IL6R: variants seen among roughly 807,000 people sequenced by gnomAD.
IL6R encodes interleukin 6 receptor, also known as interleukin-6 receptor subunit alpha.
In IL6R, 38 loss-of-function variants were observed where a neutral mutation model predicts 48.3. The observed-to-expected ratio is 0.79, with a 90% confidence interval of 0.61 to 1.03. IL6R has a LOEUF of 1.03. Among genes scored for constraint, IL6R ranks in the 50% least tolerant of loss-of-function variants. The pLI is 0.00. For missense variants in IL6R, 534 were observed against 618.3 expected, an observed-to-expected ratio of 0.86 and a Z score of 1.45; for synonymous variants, 264 against 256.2, an observed-to-expected ratio of 1.03 and a Z score of -0.29.
chr1:154,412,195 C>A (rs1688065285), intron 1 of IL6R, among the ~76,000 whole-genome samples: 1 of 151,886 alleles, frequency 6.6e-6, no homozygotes, highest in Middle Eastern at 3.4e-3. Flanking sequence ...GATCTGCCCA[C>A]CTCGTCCTCT....
chr1:154,436,784 G>A lies in IL6R; in HGVS notation c.949+674G>A, dbSNP rs140696480. Among the ~76,000 whole-genome samples, 535 of 152,274 alleles carry A rather than the reference G, an allele frequency of 3.5e-3. 14 individuals are homozygous for A. Among genetic ancestry groups the A allele is most frequent in the Admixed American group, 0.031 (475 of 15,290 alleles). ...GAGAAGTTAGCCGTATTTAATCTAG[G>A]GCTTTTTATTTTTTTCAAATGTTAA... On this transcript the variant is annotated intron_variant, in intron 6 of 9. Transcript: ENST00000368485.
chr1:154,465,290 T>C lies in IL6R; in HGVS notation c.1317T>C (p.Ser439=). ...CGGTGTCCCCCAGCAGCCTGGGGTC[T>C]GACAATACCTCGAGCCACAACCGAC... The part of the protein sequence containing the change: ...SPPVSPSSLG[S]DNTSSHNRPD... Residue 439 remains serine (S), a synonymous_variant, in exon 10 of 10, where the codon TCT becomes TCC. Transcript: ENST00000368485. 6.2e-7 allele frequency: 1 copy of C among 1,614,134 alleles called. No individual in the cohort carries two copies. Among genetic ancestry groups the C allele is most frequent in the Middle Eastern group, 1.7e-4 (1 of 6,060 alleles).
intron 9 of IL6R, among the ~76,000 whole-genome samples, chr1:154,464,257 C>T (rs371989045): frequency 3.3e-5 from 5 of 151,698 alleles, no homozygotes; most frequent in East Asian, 1.9e-4. Context: ...CGTGTTCAAG[C>T]GATTCTCCTG....
At chr1:154,424,038 A>C (rs1688838951) in intron 1 of IL6R, among the ~76,000 whole-genome samples, 1 of 152,198 alleles carries the variant, frequency 6.6e-6, no homozygotes, top group South Asian at 2.1e-4. Context: ...CAAAGGCAGA[A>C]GCAGAAAAGA....
chr1:154,435,274 C>A, intron 5 of IL6R, 118 bp downstream of exon 5: 1 of 885,992 alleles, frequency 1.1e-6, no homozygotes, highest in Non-Finnish European at 1.7e-6. Flanking sequence ...CTTTGGGAGG[C>A]CAAGGTGGGC....
At chr1:154,444,663 T>C (rs1250428906) in intron 6 of IL6R, among the ~76,000 whole-genome samples, 1 of 152,070 alleles carries the variant, frequency 6.6e-6, no homozygotes, top group South Asian at 2.1e-4. Context: ...TTTACGAGGC[T>C]GATGGGGGAG....
chr1:154,454,334 G>T lies in IL6R; in HGVS notation c.1067-154G>T, dbSNP rs1287723405. 49 of 613,972 alleles carry T rather than the reference G, an allele frequency of 8.0e-5. 1 individual carries two copies. The highest frequency in any genetic ancestry group is 4.2e-4 in the Middle Eastern group (1 of 2,356). 38.0% of individuals were successfully genotyped at this position (613,972 alleles called of 1,614,324 possible). On this transcript the variant is annotated intron_variant, in intron 8 of 9. Transcript: ENST00000368485. ...AAGCTTGTCAAATGGCCTGTTGGTTGGCAGAGCTGTTTCATTTTCTGGGAG... is the reference window on the plus strand; with the variant it reads ...AAGCTTGTCAAATGGCCTGTTGGTTTGCAGAGCTGTTTCATTTTCTGGGAG...
At position 154,467,232 on chromosome 1, in the gene IL6R, G is replaced by A. The variant is rs1223524023; in HGVS notation, c.*1852G>A. The A allele has an allele frequency of 6.6e-6, 1 of 152,214 alleles. No homozygotes were observed. Among genetic ancestry groups the A allele is most frequent in the Admixed American group, 6.5e-5 (1 of 15,284 alleles). The allele number at this position is 152,214 out of a possible 1,614,324, so 9.4% of individuals were successfully genotyped here. ...TGCAAGAATTGAAGCAGGACTAAAT[G>A]TCTAGTTGTAACACCATGATTAACC... On this transcript the variant is annotated 3_prime_UTR_variant, in exon 10 of 10. Transcript: ENST00000368485.
At chr1:154,427,388 A>G (rs557058621) in intron 1 of IL6R, among the ~76,000 whole-genome samples, 2 of 152,292 alleles carry the variant, frequency 1.3e-5, no homozygotes, top group East Asian at 3.9e-4. Context: ...GGACTTGCCC[A>G]CCGTGGGAGA....
chr1:154,426,520 C>CAA (rs5777913), intron 1 of IL6R, among the ~76,000 whole-genome samples: 1 of 121,716 alleles, frequency 8.2e-6, no homozygotes. Flanking sequence ...GATTCTGTCT[C>CAA]AAAAAAAAAA....
intron 9 of IL6R, among the ~76,000 whole-genome samples, chr1:154,463,793 C>A (rs1571019500): frequency 1.3e-5 from 2 of 152,354 alleles, no homozygotes; most frequent in Non-Finnish European, 2.9e-5. Context: ...TGAGCCCTGG[C>A]TTTGGGCCCA....
At chr1:154,439,181 C>G (rs1431275993) in intron 6 of IL6R, among the ~76,000 whole-genome samples, 2 of 152,060 alleles carry the variant, frequency 1.3e-5, no homozygotes, top group Non-Finnish European at 2.9e-5. Flanking sequence ...ACCTTTTATT[C>G]CAACCACTTA....
intron 9 of IL6R, among the ~76,000 whole-genome samples, chr1:154,455,072 C>T (rs1690797102): frequency 6.6e-6 from 1 of 152,174 alleles, no homozygotes; most frequent in African/African-American, 2.4e-5. Flanking sequence ...CACCACCCTG[C>T]CTAGCTAATT....
chr1:154,450,037 G>A (rs1368340951), intron 8 of IL6R, 57 bp downstream of exon 8: 3 of 1,097,106 alleles, frequency 2.7e-6, no homozygotes, highest in Non-Finnish European at 4.2e-6. Flanking sequence ...ATTTGTCTCT[G>A]CAGAAAGTCC....
At chr1:154,427,370 C>T (rs904033840) in intron 1 of IL6R, among the ~76,000 whole-genome samples, 1 of 152,118 alleles carries the variant, frequency 6.6e-6, no homozygotes, top group Non-Finnish European at 1.5e-5. Flanking sequence ...AAATGTTTAT[C>T]AAACACAGGA....
In IL6R at chr1:154,429,164, T is replaced by TG. The variant is rs1336979320; in HGVS notation, c.86-29dup. 3.1e-6 allele frequency: 5 copies of TG among 1,593,648 alleles called. No individual in the cohort carries two copies. The African/African-American group carries it at 6.7e-5, about 21-fold the overall frequency. ...ACGAAGCCCCCTTCTTCAGTGGCTG[T>TG]GGGCTCACCAAGTGTCTTCTCCCTC... On this transcript the variant is annotated intron_variant, in intron 1 of 9. Coordinates refer to ENST00000368485, the MANE Select transcript of IL6R (RefSeq NM_000565.4).
At position 154,466,916 on chromosome 1, in the gene IL6R, G is replaced by C. The variant is rs1376254139; in HGVS notation, c.*1536G>C. ...AGAGAAGAGATTGTGGTTTCATTCT[G>C]TATTTTGTTTTTGTCTTAAAAAGTG... On this transcript the variant is annotated 3_prime_UTR_variant, in exon 10 of 10. Coordinates refer to ENST00000368485, the MANE Select transcript of IL6R (RefSeq NM_000565.4). The C allele has an allele frequency of 6.5e-6, 1 of 152,936 alleles. No homozygotes were observed. Among genetic ancestry groups the C allele is most frequent in the Non-Finnish European group, 1.5e-5 (1 of 68,254 alleles). The allele number at this position is 152,936 out of a possible 1,614,324, so 9.5% of individuals were successfully genotyped here.
rs1047377409 is a variant in IL6R, at chr1:154,426,949, G to A, written c.86-2247G>A. Among the ~76,000 whole-genome samples, 3 of 146,714 alleles carry A rather than the reference G, an allele frequency of 2.0e-5. No individual in the cohort carries two copies. The East Asian group carries it at 6.0e-4, about 29-fold the overall frequency. On this transcript the variant is annotated intron_variant, in intron 1 of 9. Transcript: ENST00000368485. ...TTTTTTTTTTTTGAGACGGAGCTTC[G>A]CTCTTTTTGCCCAGGCTGGAGTGCA...
rs1257547614 is a variant in IL6R at position 154,468,751 on chromosome 1, GGTTT to G, written c.*3376_*3379del. 6.6e-6 allele frequency: 1 copy of G among 152,294 alleles called. No homozygotes were observed. The highest frequency in any genetic ancestry group is 2.4e-5 in the African/African-American group (1 of 41,460). The allele number at this position is 152,294 out of a possible 1,614,324, so 9.4% of individuals were successfully genotyped here. A position where few individuals can be genotyped will look rare whatever the true frequency, so the allele number is the denominator to read the frequency against. ...CAGGCTGGGCATGTTGTGGTCTATG[GGTTT>G]GTTTCCTGGAGAATGTTCAGGAATG... On this transcript the variant is annotated 3_prime_UTR_variant, in exon 10 of 10. Coordinates refer to ENST00000368485, the MANE Select transcript of IL6R (RefSeq NM_000565.4).
Sources: gnomAD v4.1 joint callset for allele counts (sites outside exome capture counted in the v4.1 genomes callset) on GRCh38, gnomAD v4.1.1 for gene constraint, MANE v1.5 for transcripts, NCBI Gene and HGNC (gene_info 2026-07-23, HGNC 2026-07-21) for gene names.